Variants in LCLAT1 observed in about 807,000 individuals in gnomAD.
The protein encoded by LCLAT1 is 1-AGP acyltransferase 8.
A neutral mutation model predicts 30.7 loss-of-function variants in LCLAT1; 11 were observed. The ratio of observed to expected loss-of-function variants is 0.36; its 90% CI spans 0.23 to 0.59. LCLAT1 has a LOEUF of 0.59. Ranked by LOEUF, LCLAT1 falls within the 20% of genes least tolerant of loss-of-function variation. The pLI, the probability that LCLAT1 is intolerant of heterozygous loss-of-function variation, is 0.77. For missense variants in LCLAT1, 402 were observed against 458.6 expected (o/e 0.88, Z 1.13); for synonymous variants, 155 against 151.3 (o/e 1.02, Z -0.18).
intron 5 of LCLAT1, among the ~76,000 whole-genome samples, chr2:30,595,366 G>C (rs920485112): frequency 1.3e-5 from 2 of 151,998 alleles, no homozygotes; most frequent in East Asian, 1.9e-4. Context: ...AATTCATTCA[G>C]ATCACTAATG....
intron 1 of LCLAT1, among the ~76,000 whole-genome samples, chr2:30,521,861 A>G (rs899737735): frequency 2.0e-5 from 3 of 152,074 alleles, no homozygotes; most frequent in African/African-American, 7.2e-5. Context: ...CCTACTTGTA[A>G]TCTTTGCCAA....
At chr2:30,544,028 G>A (rs1664276395) in intron 3 of LCLAT1, among the ~76,000 whole-genome samples, 1 of 152,056 alleles carries the variant, frequency 6.6e-6, no homozygotes, top group Non-Finnish European at 1.5e-5. Flanking sequence ...TAACACAGGT[G>A]TTTAGAACTA....
intron 3 of LCLAT1, among the ~76,000 whole-genome samples, 197 bp from the exon 4 acceptor site, chr2:30,561,949 A>G (rs1665245030): frequency 6.6e-6 from 1 of 152,194 alleles, no homozygotes; most frequent in Non-Finnish European, 1.5e-5. Flanking sequence ...AGGATTACCA[A>G]ATCTCTTTTA....
intron 5 of LCLAT1, among the ~76,000 whole-genome samples, chr2:30,574,944 C>T (rs528023653): frequency 1.3e-5 from 2 of 152,312 alleles, no homozygotes; most frequent in African/African-American, 4.8e-5. Context: ...TTTTTCGTAT[C>T]CTCTGCAATG....
chr2:30,591,114 G>A (rs997919649), intron 5 of LCLAT1, among the ~76,000 whole-genome samples: 5 of 151,028 alleles, frequency 3.3e-5, no homozygotes, highest in African/African-American at 1.2e-4. Flanking sequence ...CTAGAGTATA[G>A]TGATTGTGAC....
At chr2:30,600,373 TAA>T (rs1461619861) in intron 5 of LCLAT1, among the ~76,000 whole-genome samples, 1 of 152,066 alleles carries the variant, frequency 6.6e-6, no homozygotes, top group Non-Finnish European at 1.5e-5. Context: ...AAAGCAGTGT[TAA>T]GAGGGAAATT....
At position 30,608,702 on chromosome 2, in the gene LCLAT1, G is replaced by C. The variant is rs114745395; in HGVS notation, c.629-31415G>C. Among the ~76,000 whole-genome samples the C allele has an allele frequency of 7.0e-3, 1,062 of 152,196 alleles. 11 individuals are homozygous for C. The highest frequency in any genetic ancestry group is 0.024 in the African/African-American group (994 of 41,550). ...GCAACAGGCCATACCATATAGCCTA[G>C]GTGGGTCATAGACTATATACTGTCT... On this transcript the variant is annotated intron_variant, in intron 5 of 5. Coordinates refer to ENST00000379509, the MANE Select transcript of LCLAT1 (RefSeq NM_001002257.3).
At chr2:30,493,106 G>T (rs915414385) in intron 1 of LCLAT1, among the ~76,000 whole-genome samples, 1 of 152,162 alleles carries the variant, frequency 6.6e-6, no homozygotes, top group Non-Finnish European at 1.5e-5. Context: ...AAGCAAGACA[G>T]TTGCAGTAAT....
chr2:30,516,546 G>A (rs557584967), intron 1 of LCLAT1, among the ~76,000 whole-genome samples: 3 of 152,080 alleles, frequency 2.0e-5, no homozygotes, highest in East Asian at 1.9e-4. Flanking sequence ...TGTGACCCAC[G>A]GCTTCTAACA....
intron 1 of LCLAT1, among the ~76,000 whole-genome samples, chr2:30,473,563 T>C (rs953446140): frequency 6.6e-6 from 1 of 152,224 alleles, no homozygotes; most frequent in Non-Finnish European, 1.5e-5. Flanking sequence ...ACTTTTTGTG[T>C]TGATTTCTTC....
At chr2:30,628,843 G>A (rs1668635704) in intron 5 of LCLAT1, among the ~76,000 whole-genome samples, 1 of 152,048 alleles carries the variant, frequency 6.6e-6, no homozygotes, top group Admixed American at 6.5e-5. Flanking sequence ...TGTATATTAG[G>A]GACTGACAGA....
chr2:30,471,876 T>G (rs1682812844), intron 1 of LCLAT1, among the ~76,000 whole-genome samples: 1 of 152,210 alleles, frequency 6.6e-6, no homozygotes. Flanking sequence ...CTAATTGTTC[T>G]CACTAGAAAT....
chr2:30,604,178 A>G (rs935766963), intron 5 of LCLAT1, among the ~76,000 whole-genome samples: 69 of 152,306 alleles, frequency 4.5e-4, no homozygotes, highest in African/African-American at 1.4e-3. Context: ...TGGGGCTACA[A>G]CAGTGTGACC....
intron 1 of LCLAT1, among the ~76,000 whole-genome samples, chr2:30,514,352 A>G (rs1349739951): frequency 1.3e-5 from 2 of 152,244 alleles, no homozygotes; most frequent in Non-Finnish European, 2.9e-5. Flanking sequence ...GTAGAACAGA[A>G]TAAAGGCTTT....
At chr2:30,486,747 T>G (rs1683576864) in intron 1 of LCLAT1, among the ~76,000 whole-genome samples, 1 of 152,176 alleles carries the variant, frequency 6.6e-6, no homozygotes, top group Non-Finnish European at 1.5e-5. Flanking sequence ...ATTCTTACCT[T>G]TCTTGCTGGT....
chr2:30,555,317 G>T (rs1353519433), intron 3 of LCLAT1, among the ~76,000 whole-genome samples: 1 of 152,050 alleles, frequency 6.6e-6, no homozygotes, highest in Non-Finnish European at 1.5e-5. Context: ...GGAATGCAAA[G>T]ACTCAAACAT....
chr2:30,519,395 C>T (rs1685360516), intron 1 of LCLAT1, among the ~76,000 whole-genome samples: 1 of 152,160 alleles, frequency 6.6e-6, no homozygotes, highest in Non-Finnish European at 1.5e-5. Context: ...CCGAGGAAAT[C>T]TCAACTGCAC....
At chr2:30,473,165 C>T (rs1396433645) in intron 1 of LCLAT1, among the ~76,000 whole-genome samples, 2 of 152,088 alleles carry the variant, frequency 1.3e-5, no homozygotes, top group African/African-American at 4.8e-5. Context: ...ATATGTATGA[C>T]AGTTACATAT....
intron 1 of LCLAT1, among the ~76,000 whole-genome samples, chr2:30,520,949 A>C (rs1490762736): frequency 1.3e-5 from 2 of 152,306 alleles, no homozygotes; most frequent in East Asian, 3.9e-4. Flanking sequence ...AATGAGGCTG[A>C]AACCTACTGG....
Sources: allele counts gnomAD v4.1 joint callset (sites outside exome capture counted in the v4.1 genomes callset), GRCh38; gene constraint gnomAD v4.1.1; transcripts MANE v1.5; gene names NCBI Gene and HGNC (gene_info 2026-07-23, HGNC 2026-07-21).